The following MPP4 variants were observed in gnomAD, a reference collection of about 807,000 sequenced individuals.
MPP4 encodes the protein MAGUK p55 scaffold protein 4.
MPP4 carries 91 observed loss-of-function variants against 98.3 expected under a neutral mutation model. The observed-to-expected ratio is 0.93, with a 90% CI of 0.78 to 1.10. The LOEUF (loss-of-function observed/expected upper bound fraction) is 1.10. Among genes scored for constraint, MPP4 ranks in the 50% least tolerant of loss-of-function variants. The pLI, the probability that MPP4 is intolerant of heterozygous loss-of-function variation, is 0.00. For missense variants in MPP4, 744 were observed against 792.9 expected (o/e 0.94, Z 0.74); for synonymous variants, 261 against 271.8 (o/e 0.96, Z 0.39).
chr2:201,660,333 T>C lies in MPP4; in HGVS notation c.1086A>G (p.Glu362=). 6.2e-7 allele frequency: 1 copy of C among 1,613,106 alleles called. No homozygotes were observed. The highest frequency in any genetic ancestry group is 8.5e-7 in the Non-Finnish European group (1 of 1,179,066). ...TATCTAGGAAATAAAAACAATTACC[T>C]TCTGAAAGTTCCTCTGGATATTTGG... ...EETFESEELS[E]DKEEFVGYGQ... The change falls in exon 15 of 22, where the codon GAA becomes GAG. Residue 362 remains glutamate, a splice_region_variant and synonymous_variant. Transcript: ENST00000409474.
At chr2:201,678,989 G>A (rs1487329340) in intron 10 of MPP4, among the ~76,000 whole-genome samples, 1 of 151,936 alleles carries the variant, frequency 6.6e-6, no homozygotes, top group Non-Finnish European at 1.5e-5. Context: ...CTCAGCCACT[G>A]CCTCCCATTG....
At chr2:201,664,224 T>C in intron 13 of MPP4, 123 bp from the exon 14 acceptor site, 1 of 1,494,814 alleles carries the variant, frequency 6.7e-7, no homozygotes, top group Non-Finnish European at 9.0e-7. Flanking sequence ...TGTAAAGTTT[T>C]TTTCCTAAAT....
rs1325365511 is a variant in MPP4 at position 201,645,328 on chromosome 2, A to G, written c.1796T>C (p.Ile599Thr). 2 of 1,613,910 alleles carry G rather than the reference A, an allele frequency of 1.2e-6. No individual in the cohort carries two copies. The highest frequency in any genetic ancestry group is 1.7e-5 in the Admixed American group (1 of 60,014). The change falls in exon 22 of 22, where the codon ATT (isoleucine) becomes ACT (threonine). Residue 599 changes from isoleucine (I) to threonine (T), a missense_variant. Physicochemically the swap from Ile to Thr is moderately conservative, Grantham distance 89. Coordinates refer to ENST00000409474, the MANE Select transcript of MPP4 (RefSeq NM_033066.3). ...TGCATCGTGCAAGCTGTCATTCACA[A>G]TCACATGATCAAAAAATTGGCCAAA... The part of the protein sequence containing the change: ...TQFGQFFDHV[I>T]VNDSLHDACA...
intron 18 of MPP4, chr2:201,651,943 A>C: frequency 1.2e-6 from 1 of 829,540 alleles, no homozygotes; most frequent in Non-Finnish European, 1.4e-6. Context: ...ATGCAGTGAG[A>C]CTCCATCTCA....
rs1376109511 is a variant in MPP4, at chr2:201,649,672, A to G, written c.1488T>C (p.Tyr496=). The change falls in exon 20 of 22, where the codon TAT becomes TAC. Residue 496 remains tyrosine, a synonymous_variant. Transcript: ENST00000409474. ...CATACAGGTGGCCTTTGTACTCACC[A>G]TACTCCAGCATCCTGCAAGAGCAGG... is the stretch of plus-strand genomic sequence containing the variant. ...NLIYSHRMLE[Y]GEYKGHLYGT... 5.0e-6 allele frequency: 8 copies of G among 1,609,124 alleles called. No homozygotes were observed. In the Admixed American group the frequency reaches 1.2e-4, roughly 24 times the overall value.
rs200687573 is a variant in MPP4 at position 201,685,918 on chromosome 2, C to T, written c.492+1G>A. The T allele has an allele frequency of 3.7e-5, 59 of 1,610,206 alleles. No homozygotes were observed. Among genetic ancestry groups the T allele is most frequent in the Middle Eastern group, 1.7e-4 (1 of 6,050 alleles). Reference sequence around the variant, plus strand: ...GGAAAGATAAAAAATGATTTCCTTACCAGGGGCTGTTGGTTTTTCACTAAA... The same window carrying T: ...GGAAAGATAAAAAATGATTTCCTTATCAGGGGCTGTTGGTTTTTCACTAAA... On this transcript the variant is annotated splice_donor_variant, in intron 6 of 21. Coordinates refer to ENST00000409474, the MANE Select transcript of MPP4 (RefSeq NM_033066.3). LOFTEE classifies it high-confidence loss of function.
intron 4 of MPP4, among the ~76,000 whole-genome samples, chr2:201,689,118 A>G (rs2105946494): frequency 6.6e-6 from 1 of 151,934 alleles, no homozygotes; most frequent in Non-Finnish European, 1.5e-5. Flanking sequence ...GCTTAGTGTC[A>G]GGAGTTTGAG....
chr2:201,694,277 C>A (rs1462617669), intron 1 of MPP4, among the ~76,000 whole-genome samples: 1 of 152,150 alleles, frequency 6.6e-6, no homozygotes, highest in African/African-American at 2.4e-5. Flanking sequence ...GAAACCACAC[C>A]TACCCACTTT....
chr2:201,645,434 T>C, intron 21 of MPP4, 30 bp from the exon 22 acceptor site: 2 of 1,563,540 alleles, frequency 1.3e-6, no homozygotes, highest in Non-Finnish European at 1.7e-6. Flanking sequence ...ATATGGATAG[T>C]ACAGACTTAA....
At chr2:201,673,962 T>C (rs763523983) in intron 11 of MPP4, among the ~76,000 whole-genome samples, 1 of 152,228 alleles carries the variant, frequency 6.6e-6, no homozygotes, top group Non-Finnish European at 1.5e-5. Context: ...CCTCGCTCAG[T>C]AGGCTCAGCT....
Position 201,690,275 on chromosome 2 carries a change from T to C in MPP4, c.206A>G (p.Tyr69Cys). The change falls in exon 4 of 22, where the codon TAT becomes TGT. Residue 69 changes from tyrosine to cysteine, a missense_variant. Tyr to Cys is a radical substitution (Grantham distance 194). Transcript: ENST00000409474. ...SPWLQALLKI[Y>C]DCLQEFKEKK... ...TTCTTTAAATTCCTGGAGGCAGTCA[T>C]AAATCTGCAGAAGGACAAGGGAGGG... 6.2e-7 allele frequency: 1 copy of C among 1,600,612 alleles called. No homozygotes were observed. Among genetic ancestry groups the C allele is most frequent in the South Asian group, 1.1e-5 (1 of 88,614 alleles).
chr2:201,663,427 A>T (rs1279914502), intron 14 of MPP4, among the ~76,000 whole-genome samples: 4 of 152,188 alleles, frequency 2.6e-5, no homozygotes, highest in African/African-American at 9.7e-5. Context: ...CTGTTGCTGT[A>T]TTTTTTAAAA....
chr2:201,683,474 C>T (rs551084587), intron 7 of MPP4, among the ~76,000 whole-genome samples: 1 of 152,272 alleles, frequency 6.6e-6, no homozygotes, highest in African/African-American at 2.4e-5. Flanking sequence ...GAGGGCCAGG[C>T]ATGGCGGCTA....
intron 13 of MPP4, among the ~76,000 whole-genome samples, chr2:201,664,644 A>G (rs901237822): frequency 6.6e-6 from 1 of 152,220 alleles, no homozygotes; most frequent in Admixed American, 6.5e-5. Flanking sequence ...TTAGCATTTT[A>G]AAGAGAGATT....
At chr2:201,692,302 G>A (rs1368941809) in intron 3 of MPP4, among the ~76,000 whole-genome samples, 1 of 152,162 alleles carries the variant, frequency 6.6e-6, no homozygotes, top group African/African-American at 2.4e-5. Flanking sequence ...CCAGCACTTT[G>A]GGAAGCTGAG....
At position 201,685,089 on chromosome 2, in the gene MPP4, GATGAT is replaced by G. The variant is rs747296859; in HGVS notation, c.544_548del (p.Ile182ProfsTer26). ...CACTTCTCTCCGCCAGCCCACCGTG[GATGAT>G]CCTGGCCACCAAGATGTCCCCTGTC... On this transcript the variant is annotated frameshift_variant, in exon 7 of 22. Transcript: ENST00000409474. LOFTEE classifies it high-confidence loss of function. 43 of 1,612,008 alleles carry G rather than the reference GATGAT, an allele frequency of 2.7e-5. No individual in the cohort carries two copies. The highest frequency in any genetic ancestry group is 3.6e-5 in the Non-Finnish European group (42 of 1,179,340).
At position 201,658,418 on chromosome 2, in the gene MPP4, G is replaced by C. The variant is rs923123460; in HGVS notation, c.1129+59C>G. The C allele has an allele frequency of 3.4e-6, 5 of 1,454,326 alleles. No individual in the cohort carries two copies. The East Asian group carries it at 1.1e-4, about 33-fold the overall frequency. 90.1% of individuals were successfully genotyped at this position (1,454,326 alleles called of 1,614,324 possible). A position where few individuals can be genotyped will look rare whatever the true frequency, so the allele number is the denominator to read the frequency against. On this transcript the variant is annotated intron_variant, in intron 16 of 21. Transcript: ENST00000409474. The stretch of plus-strand genomic sequence containing the variant: ...AAAGAAACTTTCAAAACAGTGTCAG[G>C]TTTGGAAACATAATTTAACAAGTGA...
At chr2:201,682,988 T>C in intron 7 of MPP4, 72 bp from the exon 8 acceptor site, 1 of 1,158,042 alleles carries the variant, frequency 8.6e-7, no homozygotes, top group Non-Finnish European at 1.3e-6. Context: ...GCTACCTCGA[T>C]AGCTATTTAA....
chr2:201,657,975 T>G (rs1419143571), intron 16 of MPP4, among the ~76,000 whole-genome samples: 2 of 151,562 alleles, frequency 1.3e-5, no homozygotes, highest in Admixed American at 6.6e-5. Flanking sequence ...TTTTGTTTTT[T>G]TTTTTTCACG....
Sources: gnomAD v4.1 joint callset for allele counts (sites outside exome capture counted in the v4.1 genomes callset) on GRCh38, gnomAD v4.1.1 for gene constraint, MANE v1.5 for transcripts, NCBI Gene and HGNC (gene_info 2026-07-23, HGNC 2026-07-21) for gene names.